Variants in IGHMBP2 observed in about 807,000 individuals in gnomAD.
The protein encoded by IGHMBP2 is immunoglobulin mu DNA binding protein 2, also known as DNA-binding protein SMUBP-2.
In IGHMBP2, 81 loss-of-function variants were observed where a neutral mutation model predicts 96.0. The ratio of observed to expected loss-of-function variants is 0.84; its 90% CI spans 0.71 to 1.01. IGHMBP2 has a LOEUF of 1.01. Ranked by LOEUF, IGHMBP2 falls within the 50% of genes least tolerant of loss-of-function variation. The probability of loss-of-function intolerance (pLI) is 0.00; values close to 1 mark genes in which losing one functional copy is unlikely to be tolerated. For missense variants in IGHMBP2, 1,227 were observed against 1,306.3 expected (o/e 0.94, Z 0.94); for synonymous variants, 557 against 548.9 (o/e 1.01, Z -0.21).
At position 68,908,469 on chromosome 11, in the gene IGHMBP2, G is replaced by A. The variant is rs190213475; in HGVS notation, c.450-65G>A. On this transcript the variant is annotated intron_variant, in intron 3 of 14. Coordinates refer to ENST00000255078, the MANE Select transcript of IGHMBP2 (RefSeq NM_002180.3). ...GTGGCCCTCATGGGAGTTGGTGGCA[G>A]CATTGGGGCAGAGGCTCGGGCACTG... 6 of 1,469,960 alleles carry A rather than the reference G, an allele frequency of 4.1e-6. 1 individual carries two copies. In the East Asian group the frequency reaches 9.1e-5, roughly 22 times the overall value. The allele number at this position is 1,469,960 out of a possible 1,614,324, so 91.1% of individuals were successfully genotyped here. A position where few individuals can be genotyped will look rare whatever the true frequency, so the allele number is the denominator to read the frequency against.
At chr11:68,918,099 G>A (rs532906502) in intron 7 of IGHMBP2, among the ~76,000 whole-genome samples, 3 of 152,280 alleles carry the variant, frequency 2.0e-5, no homozygotes, top group African/African-American at 7.2e-5. Context: ...GGCTGTTCAG[G>A]TTGTTTTTCT....
rs577854027 is a variant in IGHMBP2, at chr11:68,919,395, G to A, written c.1060+1512G>A. ...GGTGATTCTCCCAGCTCAGCCTCCTGAGGAGCTGGGGCTCCCTGCATGTGC... is the reference window on the plus strand; with the variant it reads ...GGTGATTCTCCCAGCTCAGCCTCCTAAGGAGCTGGGGCTCCCTGCATGTGC... On this transcript the variant is annotated intron_variant, in intron 7 of 14. Coordinates refer to ENST00000255078, the MANE Select transcript of IGHMBP2 (RefSeq NM_002180.3). 9.9e-5 allele frequency among the ~76,000 whole-genome samples: 15 copies of A among 152,282 alleles called. No individual in the cohort carries two copies. In the East Asian group the frequency reaches 2.9e-3, roughly 29 times the overall value.
intron 7 of IGHMBP2, among the ~76,000 whole-genome samples, chr11:68,919,633 T>C (rs1301023469): frequency 6.6e-6 from 1 of 152,232 alleles, no homozygotes; most frequent in Non-Finnish European, 1.5e-5. Context: ...TGGTTGATGA[T>C]GTGGTTCAAG....
At chr11:68,935,200 G>A in intron 11 of IGHMBP2, 99 bp from the exon 12 acceptor site, 1 of 1,502,990 alleles carries the variant, frequency 6.7e-7, no homozygotes. Context: ...CCAGGTCCTG[G>A]CTGTTTCACA....
intron 7 of IGHMBP2, among the ~76,000 whole-genome samples, chr11:68,923,491 C>T (rs935535818): frequency 2.6e-5 from 4 of 152,148 alleles, no homozygotes; most frequent in Non-Finnish European, 5.9e-5. Flanking sequence ...TGAGCCACCA[C>T]GCCCAGTCTC....
chr11:68,915,326 C>T (rs919541450), intron 6 of IGHMBP2, among the ~76,000 whole-genome samples: 32 of 151,554 alleles, frequency 2.1e-4, no homozygotes, highest in African/African-American at 7.0e-4. Flanking sequence ...ACTGCAGGTG[C>T]GTGTCACCAC....
chr11:68,935,605 G>T (rs1859495521), intron 12 of IGHMBP2, among the ~76,000 whole-genome samples, 183 bp downstream of exon 12: 1 of 152,220 alleles, frequency 6.6e-6, no homozygotes, highest in Admixed American at 6.5e-5. Context: ...GAGGCTCAGA[G>T]GCGTGAGTGT....
At chr11:68,915,773 G>T (rs1858638857) in intron 6 of IGHMBP2, among the ~76,000 whole-genome samples, 1 of 151,976 alleles carries the variant, frequency 6.6e-6, no homozygotes, top group African/African-American at 2.4e-5. Flanking sequence ...GTGAGCTACT[G>T]TACCCAGCCA....
intron 4 of IGHMBP2, among the ~76,000 whole-genome samples, chr11:68,909,629 C>CTT (rs764351899): frequency 1.6e-4 from 22 of 139,098 alleles, no homozygotes; most frequent in Non-Finnish European, 1.7e-4. Flanking sequence ...TTGGAAAAAT[C>CTT]TTTTTTTTTT....
intron 12 of IGHMBP2, 101 bp downstream of exon 12, chr11:68,935,523 C>A: frequency 7.1e-7 from 1 of 1,405,822 alleles, no homozygotes; most frequent in Non-Finnish European, 1.0e-6. Flanking sequence ...TGGTTTCTGG[C>A]AGTGTGCTCA....
At position 68,929,346 on chromosome 11, in the gene IGHMBP2, A is replaced by T. The variant is rs748059372; in HGVS notation, c.1224A>T (p.Thr408=). 1 of 1,613,280 alleles carries T rather than the reference A, an allele frequency of 6.2e-7. No individual in the cohort carries two copies. Among genetic ancestry groups the T allele is most frequent in the Non-Finnish European group, 8.5e-7 (1 of 1,179,978 alleles). ...AGDHKQLPPT[T]VSHKAALAGL... is the part of the protein sequence containing the mutation. ...ATCACAAGCAGCTGCCCCCCACCAC[A>T]GTCTCTCACAAGTAAGACCCCTTTG... Residue 408 remains threonine (T), a synonymous_variant, in exon 8 of 15, where the codon ACA becomes ACT. Coordinates refer to ENST00000255078, the MANE Select transcript of IGHMBP2 (RefSeq NM_002180.3).
At chr11:68,926,909 G>T (rs1392334280) in intron 7 of IGHMBP2, among the ~76,000 whole-genome samples, 2 of 152,134 alleles carry the variant, frequency 1.3e-5, no homozygotes, top group African/African-American at 4.8e-5. Flanking sequence ...GGGATTACAG[G>T]CGTCCACCAC....
chr11:68,933,650 C>G (rs2282504), intron 9 of IGHMBP2, 145 bp from the exon 10 acceptor site: 2 of 1,004,996 alleles, frequency 2.0e-6, no homozygotes, highest in Non-Finnish European at 3.1e-6. Context: ...GGGTCAGGCC[C>G]GCTCCCTCCC....
At chr11:68,932,194 G>A (rs563237454) in intron 8 of IGHMBP2, 205 of 152,918 alleles carry the variant, frequency 1.3e-3, no homozygotes, top group Non-Finnish European at 2.3e-3. Context: ...TCCCTGCAGA[G>A]AGTAGGATGG....
At chr11:68,904,723 T>G (rs1327952530) in intron 1 of IGHMBP2, among the ~76,000 whole-genome samples, 26 of 152,106 alleles carry the variant, frequency 1.7e-4, no homozygotes, top group Admixed American at 1.7e-3. Context: ...GAGCTAACAC[T>G]TACGTACTTT....
chr11:68,908,342 G>C lies in IGHMBP2; in HGVS notation c.449+5G>C, dbSNP rs1163580603. The C allele has an allele frequency of 1.9e-6, 3 of 1,613,102 alleles. No homozygotes were observed. In the East Asian group the frequency reaches 6.7e-5, roughly 36 times the overall value. On this transcript the variant is annotated splice_donor_5th_base_variant and intron_variant, in intron 3 of 14. Coordinates refer to ENST00000255078, the MANE Select transcript of IGHMBP2 (RefSeq NM_002180.3). ...CACTTACAGGCGACTGAAAAAGTAA[G>C]TGGATGGGACTGGAAATCCTAAGTA...
At chr11:68,927,687 C>T (rs898067496) in intron 7 of IGHMBP2, among the ~76,000 whole-genome samples, 1 of 152,246 alleles carries the variant, frequency 6.6e-6, no homozygotes, top group African/African-American at 2.4e-5. Context: ...TCAACAATTA[C>T]CTCTGATTGT....
Position 68,903,903 on chromosome 11 carries a change from C to A in IGHMBP2, c.-50C>A. 6.2e-7 allele frequency: 1 copy of A among 1,606,568 alleles called. No homozygotes were observed. The highest frequency in any genetic ancestry group is 8.5e-7 in the Non-Finnish European group (1 of 1,175,990). ...ACACCGGTCCGCTGTAACACCGGCCCGGCGCAGAAGCGGGACGTCGGCTTC... is the reference window on the plus strand; with the variant it reads ...ACACCGGTCCGCTGTAACACCGGCCAGGCGCAGAAGCGGGACGTCGGCTTC... On this transcript the variant is annotated 5_prime_UTR_variant, in exon 1 of 15. Transcript: ENST00000255078.
chr11:68,921,796 T>C (rs1205704788), intron 7 of IGHMBP2, among the ~76,000 whole-genome samples: 1 of 152,250 alleles, frequency 6.6e-6, no homozygotes, highest in African/African-American at 2.4e-5. Context: ...TGATCATTTC[T>C]TGTAGTGTGG....
Sources: allele counts gnomAD v4.1 joint callset (sites outside exome capture counted in the v4.1 genomes callset), GRCh38; gene constraint gnomAD v4.1.1; transcripts MANE v1.5; gene names NCBI Gene and HGNC (gene_info 2026-07-23, HGNC 2026-07-21).